Variants in AGGF1 observed in about 807,000 individuals in gnomAD.
AGGF1 encodes angiogenic factor with G-patch and FHA domains 1, also known as angiogenic factor with G patch and FHA domains 1.
In AGGF1, 56 loss-of-function variants were observed where a neutral mutation model predicts 86.5. The observed-to-expected ratio is 0.65, with a 90% CI of 0.52 to 0.81. The LOEUF is 0.81. Ranked by LOEUF, AGGF1 falls within the 30% of genes least tolerant of loss-of-function variation. The pLI, the probability that AGGF1 is intolerant of heterozygous loss-of-function variation, is 0.00. For synonymous variants in AGGF1, 313 were observed against 297.1 expected (o/e 1.05, Z -0.55); for missense variants, 816 against 850.9 (o/e 0.96, Z 0.51).
At position 77,053,952 on chromosome 5, in the gene AGGF1, G is replaced by A; in HGVS notation, c.1468-13G>A. ...TGTTTTGATTTCTGTTTTGTAAAAT[G>A]TTTCCCCTCTAGCCGAAAACTAAAT... On this transcript the variant is annotated splice_polypyrimidine_tract_variant and intron_variant, in intron 9 of 13. Transcript: ENST00000312916. 6.2e-7 allele frequency: 1 copy of A among 1,613,534 alleles called. No individual in the cohort carries two copies. The highest frequency in any genetic ancestry group is 8.5e-7 in the Non-Finnish European group (1 of 1,179,878).
rs528051768 is a variant in AGGF1, at chr5:77,060,280, A to G, written c.1844+537A>G. On this transcript the variant is annotated intron_variant, in intron 12 of 13. Transcript: ENST00000312916. ...CATGAGCACCTGTACTTAAACACACATATATGTATGTTAACAGTCTAGCCA... is the reference window on the plus strand; with the variant it reads ...CATGAGCACCTGTACTTAAACACACGTATATGTATGTTAACAGTCTAGCCA... 5.3e-5 allele frequency among the ~76,000 whole-genome samples: 8 copies of G among 152,322 alleles called. No homozygotes were observed. In the East Asian group the frequency reaches 1.2e-3, roughly 22 times the overall value.
intron 8 of AGGF1, 128 bp from the exon 9 acceptor site, chr5:77,052,578 A>G: frequency 1.6e-6 from 1 of 639,784 alleles, no homozygotes; most frequent in Non-Finnish European, 2.7e-6. Flanking sequence ...TTGTGTTTCT[A>G]AAAAAGTATT....
chr5:77,043,508 G>A (rs1316389661), intron 5 of AGGF1, among the ~76,000 whole-genome samples: 23 of 135,732 alleles, frequency 1.7e-4, no homozygotes, highest in South Asian at 4.9e-4. Flanking sequence ...CCTCCCTCCC[G>A]GACGGGGCGG....
intron 5 of AGGF1, among the ~76,000 whole-genome samples, chr5:77,042,606 C>T (rs868017463): frequency 0.31 from 12,049 of 39,078 alleles, 4,119 homozygotes; most frequent in Non-Finnish European, 0.46. Context: ...ACCTCCCTCC[C>T]GGACGTGGCG....
rs775966417 is a variant in AGGF1, at chr5:77,064,537, A to G, written c.*1285A>G. On this transcript the variant is annotated 3_prime_UTR_variant, in exon 14 of 14. Transcript: ENST00000312916. The stretch of plus-strand genomic sequence containing the variant: ...GGATGGAGAAGGAGAAACTATGACT[A>G]AAGATGAGAGGTATGAACGAGTTGT... The G allele has an allele frequency of 6.6e-6, 1 of 152,236 alleles. No individual in the cohort carries two copies. The highest frequency in any genetic ancestry group is 1.5e-5 in the Non-Finnish European group (1 of 68,036). The allele number at this position is 152,236 out of a possible 1,614,324, so 9.4% of individuals were successfully genotyped here. A position where few individuals can be genotyped will look rare whatever the true frequency, so the allele number is the denominator to read the frequency against.
rs370952728 is a variant in AGGF1 at position 77,031,973 on chromosome 5, A to AGATT, written c.210+998_210+1001dup. On this transcript the variant is annotated intron_variant, in intron 1 of 13. Coordinates refer to ENST00000312916, the MANE Select transcript of AGGF1 (RefSeq NM_018046.5). ...TTGTTGGCAGGCCCTCTCTGCCAAC[A>AGATT]GATTATTTCCACATAGTAACTAGTT... 2.9e-3 allele frequency among the ~76,000 whole-genome samples: 442 copies of AGATT among 152,282 alleles called. 1 individual carries two copies. The highest frequency in any genetic ancestry group is 0.01 in the African/African-American group (422 of 41,552).
chr5:77,052,629 A>G (rs924070511), intron 8 of AGGF1, 77 bp from the exon 9 acceptor site: 95 of 999,832 alleles, frequency 9.5e-5, no homozygotes, highest in Non-Finnish European at 1.4e-4. Context: ...TCAAGTTAAC[A>G]TCATCATATC....
At chr5:77,053,439 C>T (rs780754367) in intron 9 of AGGF1, among the ~76,000 whole-genome samples, 7 of 152,076 alleles carry the variant, frequency 4.6e-5, no homozygotes, top group Non-Finnish European at 7.4e-5. Context: ...GAATCGTTTG[C>T]ACCGGGGAGG....
At chr5:77,059,229 G>A (rs9293702) in intron 11 of AGGF1, among the ~76,000 whole-genome samples, 84,670 of 152,016 alleles carry the variant, frequency 0.56, 24,296 homozygotes, top group Non-Finnish European at 0.61. Context: ...TTTTCACCAT[G>A]TCATCTTCTT....
chr5:77,041,168 A>G (rs2150728922), intron 5 of AGGF1, among the ~76,000 whole-genome samples: 1 of 152,348 alleles, frequency 6.6e-6, no homozygotes, highest in African/African-American at 2.4e-5. Context: ...ATACTTAGGA[A>G]TAGAAGAGTA....
intron 13 of AGGF1, 105 bp downstream of exon 13, chr5:77,061,907 C>A (rs1747570480): frequency 3.0e-6 from 3 of 1,004,396 alleles, no homozygotes; most frequent in South Asian, 2.6e-5. Flanking sequence ...TAGTAGAAAG[C>A]AAAAGGAGAC....
chr5:77,038,974 G>A (rs1438747704), intron 4 of AGGF1, among the ~76,000 whole-genome samples: 1 of 152,054 alleles, frequency 6.6e-6, no homozygotes, highest in Non-Finnish European at 1.5e-5. Context: ...GCATTTTATA[G>A]AATGTTATTT....
intron 8 of AGGF1, among the ~76,000 whole-genome samples, chr5:77,049,611 G>A (rs1281080516): frequency 1.4e-5 from 2 of 142,178 alleles, no homozygotes; most frequent in Non-Finnish European, 3.0e-5. Context: ...GTACAGTGAT[G>A]TGATCACGAC....
In AGGF1 at chr5:77,035,774, T is replaced by G. The variant is rs760506038; in HGVS notation, c.516+31T>G. 5 of 1,575,338 alleles carry G rather than the reference T, an allele frequency of 3.2e-6. No individual in the cohort carries two copies. The East Asian group carries it at 1.1e-4, about 35-fold the overall frequency. On this transcript the variant is annotated intron_variant, in intron 3 of 13. Coordinates refer to ENST00000312916, the MANE Select transcript of AGGF1 (RefSeq NM_018046.5). ...AAAATGCTAAACATGAAACTGTTGATGCCCAAGAACCTGTCCTTCTTTGTT... is the reference window on the plus strand; with the variant it reads ...AAAATGCTAAACATGAAACTGTTGAGGCCCAAGAACCTGTCCTTCTTTGTT...
chr5:77,044,558 T>C (rs1747209769), intron 5 of AGGF1, among the ~76,000 whole-genome samples: 1 of 152,180 alleles, frequency 6.6e-6, no homozygotes, highest in Non-Finnish European at 1.5e-5. Context: ...GACTATCTAA[T>C]GTTCTGTACT....
intron 5 of AGGF1, among the ~76,000 whole-genome samples, chr5:77,043,528 C>T (rs1373420599): frequency 3.8e-4 from 28 of 73,772 alleles, no homozygotes; most frequent in Non-Finnish European, 4.9e-4. Context: ...GCTGGCCGGG[C>T]GGGGGGCTGA....
intron 5 of AGGF1, among the ~76,000 whole-genome samples, chr5:77,042,651 A>C (rs868382537): frequency 7.9e-4 from 16 of 20,196 alleles, no homozygotes; most frequent in Admixed American, 2.2e-3. Flanking sequence ...CCCCACCTCC[A>C]TCCCGGACGG....
rs531092360 is a variant in AGGF1, at chr5:77,030,462, G to T, written c.-305G>T. 47 of 577,940 alleles carry T rather than the reference G, an allele frequency of 8.1e-5. No individual in the cohort carries two copies. The highest frequency in any genetic ancestry group is 6.3e-4 in the Admixed American group (29 of 46,070). 35.8% of individuals were successfully genotyped at this position (577,940 alleles called of 1,614,324 possible). On this transcript the variant is annotated 5_prime_UTR_variant, in exon 1 of 14. Coordinates refer to ENST00000312916, the MANE Select transcript of AGGF1 (RefSeq NM_018046.5). Reference sequence around the variant, plus strand: ...GAGCTCTTCTGGCCTCTGGTTTTCCGACTGCTTATCCGACGCTCCTCCCTC... The same window carrying T: ...GAGCTCTTCTGGCCTCTGGTTTTCCTACTGCTTATCCGACGCTCCTCCCTC...
At position 77,048,961 on chromosome 5, in the gene AGGF1, C is replaced by T. The variant is rs376959475; in HGVS notation, c.1339C>T (p.Arg447Ter). The T allele has an allele frequency of 5.6e-6, 9 of 1,613,544 alleles. No individual in the cohort carries two copies. The highest frequency in any genetic ancestry group is 2.2e-5 in the East Asian group (1 of 44,798). Residue 447 changes from arginine (R) to a stop codon, truncating the protein, a stop_gained, in exon 8 of 14, where the codon CGA becomes TGA. Coordinates refer to ENST00000312916, the MANE Select transcript of AGGF1 (RefSeq NM_018046.5). LOFTEE classifies it high-confidence loss of function. ...GREKDMEHTL[R>*]IPEVGVSKFH... ...AGAAAAGGATATGGAACATACTCTCCGAATCCCTGAAGTTGGTGTCAGTAA... is the reference window on the plus strand; with the variant it reads ...AGAAAAGGATATGGAACATACTCTCTGAATCCCTGAAGTTGGTGTCAGTAA...
Sources: allele counts gnomAD v4.1 joint callset (sites outside exome capture counted in the v4.1 genomes callset), GRCh38; gene constraint gnomAD v4.1.1; transcripts MANE v1.5; gene names NCBI Gene and HGNC (gene_info 2026-07-23, HGNC 2026-07-21).